The following SPOCK3 variants were observed in gnomAD, a reference collection of about 807,000 sequenced individuals.
The protein encoded by SPOCK3 is testican-3.
In SPOCK3, 30 loss-of-function variants were observed where a neutral mutation model predicts 56.6. The ratio of observed to expected loss-of-function variants is 0.53; its 90% confidence interval spans 0.40 to 0.72. The LOEUF is 0.72. SPOCK3 is among the 30% of genes least tolerant of loss of function. The probability of loss-of-function intolerance (pLI) is 0.00; values close to 1 mark genes in which losing one functional copy is unlikely to be tolerated. For synonymous variants in SPOCK3, 196 were observed against 183.3 expected, an observed-to-expected ratio of 1.07 and a Z score of -0.56; for missense variants, 527 against 530.0, an observed-to-expected ratio of 0.99 and a Z score of 0.06.
chr4:166,902,925 T>A (rs1736213079), intron 5 of SPOCK3, among the ~76,000 whole-genome samples: 1 of 150,676 alleles, frequency 6.6e-6, no homozygotes, highest in Non-Finnish European at 1.5e-5. Flanking sequence ...ACAGTTGATG[T>A]CTGTTACTAA....
rs965670359 is a variant in SPOCK3, at chr4:166,897,869, G to A, written c.475-8625C>T. Among the ~76,000 whole-genome samples the A allele has an allele frequency of 7.9e-5, 12 of 152,184 alleles. No homozygotes were observed. The East Asian group carries it at 2.1e-3, about 27-fold the overall frequency. On this transcript the variant is annotated intron_variant, in intron 5 of 10. Coordinates refer to ENST00000357545, the MANE Select transcript of SPOCK3 (RefSeq NM_001040159.2). ...AAATCATGAACAAGGGTAGTGAAAG[G>A]CTCAACCATATTCTCTGTTATTAAA... is the stretch of plus-strand genomic sequence containing the variant.
intron 2 of SPOCK3, among the ~76,000 whole-genome samples, chr4:167,125,607 C>T (rs967349057): frequency 1.6e-4 from 25 of 151,692 alleles, no homozygotes; most frequent in Non-Finnish European, 7.4e-5. Context: ...CCAAGCTACT[C>T]GGGAGGCTGA....
chr4:166,950,810 C>T (rs914269605), intron 4 of SPOCK3, among the ~76,000 whole-genome samples: 1 of 149,454 alleles, frequency 6.7e-6, no homozygotes, highest in African/African-American at 2.6e-5. Flanking sequence ...TACATGGAAA[C>T]TGAACAACCT....
At chr4:166,946,040 T>A (rs72635170) in intron 4 of SPOCK3, among the ~76,000 whole-genome samples, 21 of 130,076 alleles carry the variant, frequency 1.6e-4, no homozygotes, top group African/African-American at 4.4e-4. Context: ...TTTGTAAAAA[T>A]ATATATTTAT....
At chr4:167,021,691 G>T (rs899591401) in intron 3 of SPOCK3, among the ~76,000 whole-genome samples, 3 of 151,900 alleles carry the variant, frequency 2.0e-5, no homozygotes, top group African/African-American at 7.2e-5. Flanking sequence ...AGGTTGCACA[G>T]GAGCCAGAAC....
intron 5 of SPOCK3, among the ~76,000 whole-genome samples, chr4:166,897,452 G>A (rs1264361728): frequency 1.3e-5 from 2 of 152,136 alleles, no homozygotes; most frequent in African/African-American, 4.8e-5. Flanking sequence ...CATGAGCAAA[G>A]GTTGGGTGGG....
chr4:167,215,347 A>T (rs1420929989), intron 2 of SPOCK3, among the ~76,000 whole-genome samples: 1 of 152,058 alleles, frequency 6.6e-6, no homozygotes, highest in Non-Finnish European at 1.5e-5. Context: ...CAGAACTCTT[A>T]AGAAACACGG....
intron 6 of SPOCK3, among the ~76,000 whole-genome samples, chr4:166,855,045 C>A (rs1311298435): frequency 6.6e-6 from 1 of 152,144 alleles, no homozygotes; most frequent in East Asian, 1.9e-4. Context: ...CCACAACCAT[C>A]CCTGCGAACA....
intron 3 of SPOCK3, among the ~76,000 whole-genome samples, chr4:167,015,427 T>C (rs1167095986): frequency 6.6e-6 from 1 of 152,206 alleles, no homozygotes; most frequent in Non-Finnish European, 1.5e-5. Context: ...TAATTTTGCA[T>C]AGAAATTTTT....
At chr4:166,802,666 C>A (rs951786885) in intron 6 of SPOCK3, among the ~76,000 whole-genome samples, 1 of 152,008 alleles carries the variant, frequency 6.6e-6, no homozygotes, top group East Asian at 1.9e-4. Context: ...AGGATTTGAA[C>A]GTAAGAATTT....
intron 2 of SPOCK3, among the ~76,000 whole-genome samples, chr4:167,191,445 A>G (rs2110848592): frequency 6.9e-6 from 1 of 145,402 alleles, no homozygotes; most frequent in African/African-American, 2.6e-5. Context: ...CTTTTCATTT[A>G]TTTGTGTCTT....
chr4:166,995,570 CATCT>C (rs1220198604), intron 4 of SPOCK3, among the ~76,000 whole-genome samples: 2 of 151,822 alleles, frequency 1.3e-5, no homozygotes, highest in Non-Finnish European at 2.9e-5. Context: ...ATCTATCTAT[CATCT>C]ATCTATCTAC....
chr4:167,198,294 C>A (rs1343351988), intron 2 of SPOCK3, among the ~76,000 whole-genome samples: 2 of 152,074 alleles, frequency 1.3e-5, no homozygotes, highest in Non-Finnish European at 2.9e-5. Context: ...TCACAACCCC[C>A]AAAGCCAGAC....
chr4:167,081,521 C>T (rs1483649286), intron 2 of SPOCK3, among the ~76,000 whole-genome samples: 1 of 151,968 alleles, frequency 6.6e-6, no homozygotes, highest in Non-Finnish European at 1.5e-5. Context: ...ACAATACTGA[C>T]ACACAATTTA....
chr4:166,743,722 G>C (rs1023144208), intron 8 of SPOCK3, among the ~76,000 whole-genome samples: 7 of 152,204 alleles, frequency 4.6e-5, no homozygotes, highest in Non-Finnish European at 8.8e-5. Context: ...AGCCGTGATA[G>C]ACGGTACCTG....
At position 166,733,946 on chromosome 4, in the gene SPOCK3, C is replaced by T. The variant is rs1014927459; in HGVS notation, c.*975G>A. 1 of 152,082 alleles carries T rather than the reference C, an allele frequency of 6.6e-6. No individual in the cohort carries two copies. The highest frequency in any genetic ancestry group is 1.5e-5 in the Non-Finnish European group (1 of 67,736). 9.4% of individuals were successfully genotyped at this position (152,082 alleles called of 1,614,324 possible). A position where few individuals can be genotyped will look rare whatever the true frequency, so the allele number is the denominator to read the frequency against. On this transcript the variant is annotated 3_prime_UTR_variant, in exon 11 of 11. Transcript: ENST00000357545. Reference sequence around the variant, plus strand: ...TCTTTCTATCTCTATTTTTGCAAGGCACCATACAATAAGTTCTCTAAGTTT... The same window carrying T: ...TCTTTCTATCTCTATTTTTGCAAGGTACCATACAATAAGTTCTCTAAGTTT...
In SPOCK3 at chr4:166,867,610, A is replaced by G. The variant is rs186897351; in HGVS notation, c.589+21520T>C. On this transcript the variant is annotated intron_variant, in intron 6 of 10. Coordinates refer to ENST00000357545, the MANE Select transcript of SPOCK3 (RefSeq NM_001040159.2). ...ATTATTGACTAATGAATTATATTAAATAAGTAAAAATAATTAATTACAGGT... is the reference window on the plus strand; with the variant it reads ...ATTATTGACTAATGAATTATATTAAGTAAGTAAAAATAATTAATTACAGGT... 1.0e-4 allele frequency among the ~76,000 whole-genome samples: 15 copies of G among 149,028 alleles called. No homozygotes were observed. In the East Asian group the frequency reaches 2.9e-3, roughly 29 times the overall value.
rs958612930 is a variant in SPOCK3 at position 167,163,150 on chromosome 4, GT to G, written c.189+70834del. 1.1e-4 allele frequency among the ~76,000 whole-genome samples: 15 copies of G among 137,670 alleles called. No individual in the cohort carries two copies. In the East Asian group the frequency reaches 3.1e-3, roughly 28 times the overall value. The allele number at this position is 137,670 out of a possible 152,430, so 90.3% of individuals were successfully genotyped here. A position where few individuals can be genotyped will look rare whatever the true frequency, so the allele number is the denominator to read the frequency against. Reference sequence around the variant, plus strand: ...CTTGAATGCAACAATTAAAACATAGGTTTTTTTGTTGGGGGATTTTTTTTTT... The same window carrying G: ...CTTGAATGCAACAATTAAAACATAGGTTTTTTGTTGGGGGATTTTTTTTTT... On this transcript the variant is annotated intron_variant, in intron 2 of 10. Transcript: ENST00000357545.
chr4:167,085,256 T>C (rs1284579536), intron 2 of SPOCK3, among the ~76,000 whole-genome samples: 2 of 151,230 alleles, frequency 1.3e-5, no homozygotes, highest in Non-Finnish European at 2.9e-5. Flanking sequence ...AAAGACTTTA[T>C]AGAGCAGAGA....
Sources: gnomAD v4.1 joint callset for allele counts (sites outside exome capture counted in the v4.1 genomes callset) on GRCh38, gnomAD v4.1.1 for gene constraint, MANE v1.5 for transcripts, NCBI Gene and HGNC (gene_info 2026-07-23, HGNC 2026-07-21) for gene names.